ASTN2: variants seen among roughly 807,000 people sequenced by gnomAD.
The protein encoded by ASTN2 is astrotactin 2.
ASTN2 carries 54 observed loss-of-function variants against 139.8 expected under a neutral mutation model. That is an observed-to-expected ratio of 0.39 (90% CI 0.31 to 0.48). The LOEUF (loss-of-function observed/expected upper bound fraction) is 0.48. Among genes scored for constraint, ASTN2 ranks in the 20% least tolerant of loss-of-function variants. ASTN2 has a pLI of 0.95. For synonymous variants in ASTN2, 756 were observed against 719.5 expected (o/e 1.05, Z -0.81); for missense variants, 1,565 against 1,725.1 (o/e 0.91, Z 1.64).
intron 10 of ASTN2, among the ~76,000 whole-genome samples, chr9:116,967,108 A>G (rs1480796706): frequency 6.6e-6 from 1 of 152,202 alleles, no homozygotes; most frequent in Non-Finnish European, 1.5e-5. Flanking sequence ...CAAAATGAAA[A>G]CATGTAGAGC....
At chr9:116,889,013 G>A (rs1457692361) in intron 10 of ASTN2, among the ~76,000 whole-genome samples, 2 of 152,118 alleles carry the variant, frequency 1.3e-5, no homozygotes, top group Non-Finnish European at 2.9e-5. Context: ...CCACGTCCCT[G>A]AAAAGGATTT....
At chr9:117,395,489 C>G (rs1830653375) in intron 1 of ASTN2, among the ~76,000 whole-genome samples, 2 of 152,228 alleles carry the variant, frequency 1.3e-5, no homozygotes, top group South Asian at 4.1e-4. Flanking sequence ...CCCGCTCACA[C>G]ACACTGCCCT....
intron 5 of ASTN2, among the ~76,000 whole-genome samples, chr9:117,065,008 T>G (rs936038764): frequency 6.6e-6 from 1 of 152,072 alleles, no homozygotes; most frequent in Non-Finnish European, 1.5e-5. Context: ...GATCTCTAGA[T>G]GAGATCATAC....
At chr9:116,944,852 G>A (rs901504287) in intron 10 of ASTN2, among the ~76,000 whole-genome samples, 1 of 152,196 alleles carries the variant, frequency 6.6e-6, no homozygotes, top group African/African-American at 2.4e-5. Context: ...TCAGATTGAG[G>A]TACTGTATCA....
At chr9:117,003,663 T>G (rs1837261097) in intron 7 of ASTN2, among the ~76,000 whole-genome samples, 1 of 151,440 alleles carries the variant, frequency 6.6e-6, no homozygotes, top group Admixed American at 6.6e-5. Flanking sequence ...CTGTGTCTAA[T>G]GGAGAACAGC....
At chr9:117,179,567 C>T (rs773903221) in intron 3 of ASTN2, among the ~76,000 whole-genome samples, 2 of 152,172 alleles carry the variant, frequency 1.3e-5, no homozygotes, top group African/African-American at 2.4e-5. Context: ...AGTCTCTCTT[C>T]TTCCTCTTCT....
At chr9:117,067,633 T>C (rs370727432) in intron 5 of ASTN2, among the ~76,000 whole-genome samples, 1 of 145,304 alleles carries the variant, frequency 6.9e-6, no homozygotes, top group Non-Finnish European at 1.5e-5. Flanking sequence ...TTCTTCCTAC[T>C]CATGAGCATG....
intron 2 of ASTN2, among the ~76,000 whole-genome samples, chr9:117,229,240 A>G (rs1298326791): frequency 6.6e-6 from 1 of 152,088 alleles, no homozygotes; most frequent in Admixed American, 6.6e-5. Flanking sequence ...CAGTTGTAAC[A>G]CTGATAACGC....
intron 17 of ASTN2, among the ~76,000 whole-genome samples, chr9:116,643,691 T>C (rs1054443351): frequency 5.9e-5 from 9 of 152,214 alleles, no homozygotes; most frequent in African/African-American, 9.6e-5. Flanking sequence ...TTTTGGCACA[T>C]AGTACATATA....
intron 1 of ASTN2, among the ~76,000 whole-genome samples, chr9:117,359,045 G>A (rs566272512): frequency 6.6e-6 from 1 of 152,158 alleles, no homozygotes; most frequent in Non-Finnish European, 1.5e-5. Flanking sequence ...TGGACTCTCA[G>A]GTCCCTCAGA....
At chr9:116,530,145 AT>A (rs1564345833) in intron 19 of ASTN2, among the ~76,000 whole-genome samples, 76 of 25,620 alleles carry the variant, frequency 3.0e-3, no homozygotes, top group Non-Finnish European at 3.2e-3. Context: ...ATATATATAT[AT>A]ATATAAAATA....
intron 13 of ASTN2, among the ~76,000 whole-genome samples, chr9:116,774,836 G>T (rs1035503657): frequency 6.6e-6 from 1 of 152,048 alleles, no homozygotes; most frequent in East Asian, 1.9e-4. Flanking sequence ...CAGGGCCTTC[G>T]GTATAAATGT....
intron 7 of ASTN2, among the ~76,000 whole-genome samples, chr9:116,984,008 TTC>T (rs1211021963): frequency 5.9e-5 from 9 of 152,218 alleles, no homozygotes; most frequent in African/African-American, 1.9e-4. Flanking sequence ...TGGCAAAAGT[TTC>T]TGATGTACTT....
chr9:117,253,962 C>T (rs758559187), intron 2 of ASTN2, among the ~76,000 whole-genome samples: 6 of 152,132 alleles, frequency 3.9e-5, no homozygotes, highest in African/African-American at 9.7e-5. Context: ...TGAGTCTGAA[C>T]GCTCACAGGC....
At chr9:116,591,168 C>T (rs1854364327) in intron 19 of ASTN2, among the ~76,000 whole-genome samples, 1 of 152,178 alleles carries the variant, frequency 6.6e-6, no homozygotes. Flanking sequence ...GGAGCTCAGA[C>T]CTAGGAGCTC....
intron 10 of ASTN2, among the ~76,000 whole-genome samples, chr9:116,917,333 C>G (rs1180107616): frequency 1.3e-5 from 2 of 151,700 alleles, no homozygotes; most frequent in African/African-American, 4.9e-5. Flanking sequence ...TAATGTCAGC[C>G]CCACCCCCCA....
chr9:117,089,999 A>G (rs1372269944), intron 5 of ASTN2, among the ~76,000 whole-genome samples: 3 of 152,246 alleles, frequency 2.0e-5, no homozygotes, highest in African/African-American at 7.2e-5. Flanking sequence ...TTCACAGAGC[A>G]TGGTGAATTT....
intron 3 of ASTN2, among the ~76,000 whole-genome samples, chr9:117,145,190 T>C (rs10818001): frequency 0.13 from 19,595 of 152,184 alleles, 1,562 homozygotes; most frequent in Non-Finnish European, 0.18. Flanking sequence ...CAGTGAGTTA[T>C]GTGGATCACA....
chr9:117,372,644 A>G (rs1830019282), intron 1 of ASTN2, among the ~76,000 whole-genome samples: 3 of 152,212 alleles, frequency 2.0e-5, no homozygotes, highest in Non-Finnish European at 4.4e-5. Context: ...ACAATACAAT[A>G]AAATGCCTGG....
Sources: gnomAD v4.1 joint callset for allele counts (sites outside exome capture counted in the v4.1 genomes callset) on GRCh38, gnomAD v4.1.1 for gene constraint, MANE v1.5 for transcripts, NCBI Gene and HGNC (gene_info 2026-07-23, HGNC 2026-07-21) for gene names.